Variants in ITFG2 observed in about 807,000 individuals in gnomAD.
The protein encoded by ITFG2 is integrin alpha FG-GAP repeat containing 2.
Under a neutral mutation model 54.4 loss-of-function variants are expected in ITFG2, and 36 were observed. The ratio of observed to expected loss-of-function variants is 0.66; its 90% CI spans 0.51 to 0.87. The LOEUF is 0.87. ITFG2 is among the 40% of genes least tolerant of loss of function. The pLI, the probability that ITFG2 is intolerant of heterozygous loss-of-function variation, is 0.00. For missense variants in ITFG2, 524 were observed against 576.7 expected (o/e 0.91, Z 0.94); for synonymous variants, 211 against 225.4 (o/e 0.94, Z 0.57).
intron 9 of ITFG2, 120 bp from the exon 10 acceptor site, chr12:2,822,674 C>T (rs1286428659): frequency 2.5e-6 from 2 of 793,598 alleles, no homozygotes; most frequent in Admixed American, 4.1e-5. Flanking sequence ...TGAGGTGGCT[C>T]ATTTGACAGT....
At chr12:2,827,007 C>T (rs970063173), downstream of ITFG2, 140 of 1,392,406 alleles carry the variant, frequency 1.0e-4, no homozygotes, top group Middle Eastern at 2.6e-4. This position sits in a 1 kb window ranked among gnomAD's most constrained non-coding sequence, Gnocchi z 4.0. Context: ...AGTGAAAACT[C>T]GTCCTGGGGA....
At chr12:2,819,892 G>C (rs1227980113) in intron 4 of ITFG2, 194 bp from the exon 5 acceptor site, 17 of 539,176 alleles carry the variant, frequency 3.2e-5, no homozygotes, top group Non-Finnish European at 4.7e-5. Flanking sequence ...GCGGATAGGA[G>C]CTGCGGAACA....
intron 2 of ITFG2, among the ~76,000 whole-genome samples, chr12:2,853,590 T>G (rs2098078107): frequency 6.6e-6 from 1 of 150,880 alleles, no homozygotes; most frequent in African/African-American, 2.4e-5. Flanking sequence ...TTTGTTGTTG[T>G]TGTTGTTTTT....
upstream of ITFG2, chr12:2,834,758 G>A (rs73052628): frequency 1.1e-3 from 1,828 of 1,613,866 alleles, 1 homozygote; most frequent in Non-Finnish European, 1.4e-3. Context: ...AGGTGGGCTC[G>A]GTCTCGAAGC....
downstream of ITFG2, among the ~76,000 whole-genome samples, chr12:2,831,207 GT>G (rs59616621): frequency 1.3e-5 from 2 of 148,270 alleles, no homozygotes; most frequent in African/African-American, 2.5e-5. Context: ...AACTAGGAGG[GT>G]TTTTTTTTTC....
chr12:2,837,185 TA>T (rs2098030171), intron 1 of ITFG2, among the ~76,000 whole-genome samples: 1 of 151,898 alleles, frequency 6.6e-6, no homozygotes, highest in South Asian at 2.1e-4. Flanking sequence ...TGCAAAAAAT[TA>T]GCTGGGCATG....
At chr12:2,859,097 G>C (rs202090024) in intron 3 of ITFG2, 6 of 1,606,858 alleles carry the variant, frequency 3.7e-6, no homozygotes, top group Non-Finnish European at 5.1e-6. Context: ...ATTTGCTCGG[G>C]GTGGAGGAGA....
At chr12:2,816,031 ATT>A (rs35664869) in intron 1 of ITFG2, among the ~76,000 whole-genome samples, 25 of 133,184 alleles carry the variant, frequency 1.9e-4, no homozygotes, top group South Asian at 9.9e-4. Flanking sequence ...CACCTGGATA[ATT>A]TTTTTTTTTT....
downstream of ITFG2, chr12:2,827,981 C>T (rs371721141): frequency 6.8e-6 from 11 of 1,614,108 alleles, no homozygotes; most frequent in South Asian, 2.2e-5. The surrounding 1 kb of genome is among the most constrained non-coding windows in gnomAD (Gnocchi z 4.0). Flanking sequence ...GCTCCAACTG[C>T]TCCACCTGGG....
downstream of ITFG2, chr12:2,830,978 AC>A: frequency 1.0e-6 from 1 of 980,706 alleles, no homozygotes; most frequent in Non-Finnish European, 1.4e-6. Flanking sequence ...CCTGAGCCTT[AC>A]CCTAGGAGTT....
At chr12:2,815,711 G>A (rs2097919709) in intron 1 of ITFG2, among the ~76,000 whole-genome samples, 1 of 152,188 alleles carries the variant, frequency 6.6e-6, no homozygotes, top group Non-Finnish European at 1.5e-5. Flanking sequence ...TCAGGCATGT[G>A]TAACCTAGAG....
At chr12:2,818,298 A>C (rs1232735573) in intron 4 of ITFG2, 21 bp downstream of exon 4, 5 of 1,609,344 alleles carry the variant, frequency 3.1e-6, no homozygotes, top group South Asian at 1.1e-5. Flanking sequence ...CTACCTTTGC[A>C]GGCAGCCAGG....
At chr12:2,831,381 C>T (rs894402161), downstream of ITFG2, among the ~76,000 whole-genome samples, 5 of 151,778 alleles carry the variant, frequency 3.3e-5, no homozygotes, top group South Asian at 4.2e-4. Context: ...GTCAGGAGTT[C>T]GAGACCAGCC....
Position 2,859,266 on chromosome 12 carries a change from A to C in ITFG2, n.621-268A>C, listed in dbSNP as rs903578380. ...TGAGAAGAGCAGCTCCGGCTCATCCACACAGGGAGGCAGTAGATGCTGTTT... is the reference window on the plus strand; with the variant it reads ...TGAGAAGAGCAGCTCCGGCTCATCCCCACAGGGAGGCAGTAGATGCTGTTT... On this transcript the variant is annotated intron_variant and non_coding_transcript_variant, in intron 3 of 3. Transcript: ENST00000537710. 3.1e-6 allele frequency: 5 copies of C among 1,613,628 alleles called. No individual in the cohort carries two copies. In the African/African-American group the frequency reaches 4.0e-5, roughly 13 times the overall value.
chr12:2,827,836 T>A, downstream of ITFG2: 1 of 1,606,810 alleles, frequency 6.2e-7, no homozygotes, highest in Admixed American at 1.7e-5. This position sits in a 1 kb window ranked among gnomAD's most constrained non-coding sequence, Gnocchi z 4.0. Context: ...GAACTCCTCG[T>A]GCTGCAGGGA....
intron 2 of ITFG2, among the ~76,000 whole-genome samples, chr12:2,856,286 A>G (rs1369844645): frequency 6.6e-6 from 1 of 152,184 alleles, no homozygotes; most frequent in East Asian, 1.9e-4. Context: ...GTGAAATGAA[A>G]TGGCCTTACT....
intron 4 of ITFG2, 179 bp from the exon 5 acceptor site, chr12:2,819,907 G>T: frequency 1.6e-6 from 1 of 641,112 alleles, no homozygotes; most frequent in Non-Finnish European, 2.5e-6. Flanking sequence ...GGAACAGATG[G>T]ACCAAATGGA....
chr12:2,830,975 CT>C, downstream of ITFG2: 1 of 1,113,590 alleles, frequency 9.0e-7, no homozygotes, highest in Non-Finnish European at 1.3e-6. Context: ...AGCCCTGAGC[CT>C]TACCCTAGGA....
At chr12:2,849,622 CAAGCTAGTTAGCCATCAGGCGGCAGG>C in intron 2 of ITFG2, 2 of 1,374,976 alleles carry the variant, frequency 1.5e-6, no homozygotes, top group East Asian at 5.0e-5. Flanking sequence ...CCGCTGTCCA[CAAGCTAGTTAGCCATCAGGCGGCAGG>C]GAATCCCTTC....
Sources: gnomAD v4.1 joint callset for allele counts (sites outside exome capture counted in the v4.1 genomes callset) on GRCh38, gnomAD v4.1.1 for gene constraint, Gnocchi (gnomAD v3.1) non-coding constraint, MANE v1.5 for transcripts, NCBI Gene and HGNC (gene_info 2026-07-23, HGNC 2026-07-21) for gene names.